Variants in AGBL4 observed in about 807,000 individuals in gnomAD.
The protein encoded by AGBL4 is AGBL carboxypeptidase 4.
Under a neutral mutation model 66.4 loss-of-function variants are expected in AGBL4, and 58 were observed. That is an observed-to-expected ratio of 0.87 (90% CI 0.71 to 1.09). The LOEUF (loss-of-function observed/expected upper bound fraction) is 1.09. Ranked by LOEUF, AGBL4 falls within the 50% of genes least tolerant of loss-of-function variation. The probability of loss-of-function intolerance (pLI) is 0.00; values close to 1 mark genes in which losing one functional copy is unlikely to be tolerated. For synonymous variants in AGBL4, 234 were observed against 222.9 expected (o/e 1.05, Z -0.44); for missense variants, 579 against 631.0 (o/e 0.92, Z 0.88).
At chr1:49,086,209 G>T (rs1012594007) in intron 4 of AGBL4, among the ~76,000 whole-genome samples, 7 of 152,148 alleles carry the variant, frequency 4.6e-5, no homozygotes, top group Non-Finnish European at 1.0e-4. Context: ...TCAGCCAGTG[G>T]TCTGAGCCTC....
intron 6 of AGBL4, chr1:48,817,938 G>A: frequency 1.6e-6 from 1 of 640,688 alleles, no homozygotes; most frequent in Non-Finnish European, 2.8e-6. Context: ...TAGTCAGTAG[G>A]CAAAAAGCTA....
At chr1:49,624,607 T>C (rs918636576) in intron 3 of AGBL4, among the ~76,000 whole-genome samples, 1 of 152,222 alleles carries the variant, frequency 6.6e-6, no homozygotes, top group Non-Finnish European at 1.5e-5. Flanking sequence ...CCTTCACCTT[T>C]CTTCTTTCCT....
chr1:48,639,254 C>T (rs1382768362), intron 8 of AGBL4, among the ~76,000 whole-genome samples: 1 of 152,198 alleles, frequency 6.6e-6, no homozygotes, highest in Admixed American at 6.5e-5. Flanking sequence ...GCATGGGCAC[C>T]TTTTGAGCTG....
intron 3 of AGBL4, among the ~76,000 whole-genome samples, chr1:49,547,833 C>T (rs888540587): frequency 6.6e-6 from 1 of 151,124 alleles, no homozygotes; most frequent in Non-Finnish European, 1.5e-5. Flanking sequence ...GAGTGCAGTG[C>T]CATGATCTCA....
chr1:49,008,063 A>G (rs1329975214), intron 5 of AGBL4, among the ~76,000 whole-genome samples: 1 of 152,190 alleles, frequency 6.6e-6, no homozygotes, highest in African/African-American at 2.4e-5. Flanking sequence ...AAATGCTCCA[A>G]TAAAAGACAC....
At chr1:49,720,976 T>C (rs1648561052) in intron 2 of AGBL4, among the ~76,000 whole-genome samples, 1 of 152,112 alleles carries the variant, frequency 6.6e-6, no homozygotes, top group Non-Finnish European at 1.5e-5. Flanking sequence ...CGAAGCCAGC[T>C]GGACTTCCTG....
At chr1:49,680,525 T>C (rs1260633611) in intron 3 of AGBL4, among the ~76,000 whole-genome samples, 2 of 152,194 alleles carry the variant, frequency 1.3e-5, no homozygotes, top group African/African-American at 4.8e-5. Context: ...GTATTTTCTA[T>C]ACCACTTGAA....
chr1:48,985,076 C>A (rs1258579717), intron 5 of AGBL4, among the ~76,000 whole-genome samples: 2 of 151,652 alleles, frequency 1.3e-5, no homozygotes, highest in Non-Finnish European at 2.9e-5. Context: ...AAAAACAAAC[C>A]AAAAAAACAG....
intron 3 of AGBL4, among the ~76,000 whole-genome samples, chr1:49,356,500 C>T (rs1644022572): frequency 6.6e-6 from 1 of 152,338 alleles, no homozygotes; most frequent in Non-Finnish European, 1.5e-5. Flanking sequence ...TATCACCTTA[C>T]ATTTTTCAAA....
intron 1 of AGBL4, among the ~76,000 whole-genome samples, chr1:49,973,855 T>C (rs1658347038): frequency 6.6e-6 from 1 of 151,760 alleles, no homozygotes; most frequent in Non-Finnish European, 1.5e-5. Flanking sequence ...TTTTCTGTAC[T>C]GAGGATTTTA....
intron 6 of AGBL4, among the ~76,000 whole-genome samples, chr1:48,680,984 T>C (rs1307406351): frequency 6.6e-6 from 1 of 152,126 alleles, no homozygotes; most frequent in Admixed American, 6.5e-5. Flanking sequence ...AAATTACAGG[T>C]ACAGGTTGCT....
chr1:49,566,357 T>C (rs962269299), intron 3 of AGBL4, among the ~76,000 whole-genome samples: 5 of 152,216 alleles, frequency 3.3e-5, no homozygotes, highest in Admixed American at 1.3e-4. Context: ...CTGTGTTCCT[T>C]TGGAGGAGGA....
chr1:48,736,281 G>C lies in AGBL4; in HGVS notation c.635-73040C>G. On this transcript the variant is annotated intron_variant, in intron 6 of 13. Coordinates refer to ENST00000371839, the MANE Select transcript of AGBL4 (RefSeq NM_032785.4). The surrounding 1 kb of genome is among the most constrained non-coding windows in gnomAD (Gnocchi z 4.0). ...TTGTGAGGCGAGAGGGGTGGTTTAG[G>C]GACTGCATCTTTCTTTTTTTTTGTG... The C allele has an allele frequency of 5.6e-6, 9 of 1,614,140 alleles. No individual in the cohort carries two copies. Among genetic ancestry groups the C allele is most frequent in the Non-Finnish European group, 7.6e-6 (9 of 1,180,016 alleles).
chr1:49,006,742 G>A (rs1169547307), intron 5 of AGBL4, among the ~76,000 whole-genome samples: 1 of 151,814 alleles, frequency 6.6e-6, no homozygotes, highest in African/African-American at 2.4e-5. Flanking sequence ...CAGCCTAACT[G>A]GGAGGCACCC....
intron 4 of AGBL4, among the ~76,000 whole-genome samples, chr1:49,144,022 G>A (rs1646167590): frequency 6.6e-6 from 1 of 152,202 alleles, no homozygotes; most frequent in African/African-American, 2.4e-5. Flanking sequence ...AACAGAGATT[G>A]TCTCATAAGT....
chr1:49,480,560 T>G lies in AGBL4; in HGVS notation c.282+216753A>C, dbSNP rs1279556246. 2.6e-5 allele frequency among the ~76,000 whole-genome samples: 4 copies of G among 152,102 alleles called. No individual in the cohort carries two copies. In the East Asian group the frequency reaches 7.7e-4, roughly 29 times the overall value. On this transcript the variant is annotated intron_variant, in intron 3 of 13. Transcript: ENST00000371839. ...TTAGACCTCTGTCAAATGCATAGTT[T>G]GCAAATATTTTCTTTCATTTTGTAG...
chr1:48,594,384 T>C (rs1374634330), intron 9 of AGBL4, among the ~76,000 whole-genome samples: 1 of 152,214 alleles, frequency 6.6e-6, no homozygotes, highest in Non-Finnish European at 1.5e-5. Context: ...TTCTCTTTTC[T>C]AAGAACTCTG....
chr1:49,682,398 G>T (rs908561514), intron 3 of AGBL4, among the ~76,000 whole-genome samples: 1 of 151,998 alleles, frequency 6.6e-6, no homozygotes, highest in Non-Finnish European at 1.5e-5. Context: ...GTGAGACTCC[G>T]TCCCCCCAGA....
At chr1:48,859,172 A>G (rs182326043) in intron 6 of AGBL4, among the ~76,000 whole-genome samples, 1 of 151,912 alleles carries the variant, frequency 6.6e-6, no homozygotes. Context: ...CCTCCCCACA[A>G]TCCAACCTAT....
Sources: allele counts gnomAD v4.1 joint callset (sites outside exome capture counted in the v4.1 genomes callset), GRCh38; gene constraint gnomAD v4.1.1; non-coding constraint Gnocchi (gnomAD v3.1); transcripts MANE v1.5; gene names NCBI Gene and HGNC (gene_info 2026-07-23, HGNC 2026-07-21).